Variants in WDFY4 observed in about 807,000 individuals in gnomAD.
WDFY4 encodes the protein WDFY family member 4.
Under a neutral mutation model 351.9 loss-of-function variants are expected in WDFY4, and 169 were observed. The observed-to-expected ratio is 0.48, with a 90% CI of 0.42 to 0.55. The LOEUF (loss-of-function observed/expected upper bound fraction) is 0.55, where lower values mean the gene tolerates loss of function less well. Ranked by LOEUF, WDFY4 falls within the 20% of genes least tolerant of loss-of-function variation. WDFY4 has a pLI of 0.00. For missense variants in WDFY4, 3,803 were observed against 3,935.6 expected, an observed-to-expected ratio of 0.97 and a Z score of 0.90; for synonymous variants, 1,622 against 1,574.6, an observed-to-expected ratio of 1.03 and a Z score of -0.71.
chr10:48,914,342 C>A, intron 47 of WDFY4: 3 of 650,966 alleles, frequency 4.6e-6, no homozygotes, highest in Admixed American at 3.0e-5. Context: ...AAGAGGATTG[C>A]GGAGAGAAGT....
rs140491881 is a variant in WDFY4, at chr10:48,734,380, C to T, written c.1687+345C>T. Among the ~76,000 whole-genome samples the T allele has an allele frequency of 6.4e-3, 979 of 152,026 alleles. 10 individuals are homozygous for T. Among genetic ancestry groups the T allele is most frequent in the African/African-American group, 0.019 (793 of 41,470 alleles). On this transcript the variant is annotated intron_variant, in intron 10 of 61. Coordinates refer to ENST00000325239, the MANE Select transcript of WDFY4 (RefSeq NM_001394531.1). ...TTTTTTAGATCCAAAGAGTAACATA[C>T]GGGCAAAGAAATCTAGCCATTTTAA...
chr10:48,760,533 G>A (rs543340529), intron 13 of WDFY4, 93 bp downstream of exon 13: 152 of 1,233,030 alleles, frequency 1.2e-4, no homozygotes, highest in East Asian at 4.9e-4. Context: ...CCTTTTGTCC[G>A]TGTCTTCAGT....
chr10:48,813,427 A>G (rs918643618), intron 30 of WDFY4, among the ~76,000 whole-genome samples: 3 of 152,206 alleles, frequency 2.0e-5, no homozygotes, highest in African/African-American at 4.8e-5. Context: ...GATGTTTTAC[A>G]TATTTTATTT....
At chr10:48,982,481 G>A (rs562623435) in intron 61 of WDFY4, 28 bp from the exon 62 acceptor site, 49 of 1,484,872 alleles carry the variant, frequency 3.3e-5, no homozygotes, top group East Asian at 2.5e-4. Flanking sequence ...TCCCTCTAAC[G>A]TTCTTGTCTT....
rs572369659 is a variant in WDFY4 at position 48,860,848 on chromosome 10, A to C, written c.6664-6417A>C. Among the ~76,000 whole-genome samples the C allele has an allele frequency of 6.6e-5, 10 of 152,204 alleles. No individual in the cohort carries two copies. The South Asian group carries it at 2.1e-3, about 32-fold the overall frequency. On this transcript the variant is annotated intron_variant, in intron 39 of 61. Transcript: ENST00000325239. ...GATTTCTTGTTATCCTTTTGTTACT[A>C]ATTTCTAGTTTGATTCAATTATGTA...
rs2064650536 is a variant in WDFY4 at position 48,735,995 on chromosome 10, G to C, written c.1803G>C (p.Glu601Asp). ...LEQLSAINAE[E>D]YMSIIVGALC... is the part of the protein sequence containing the mutation. ...AGCTCTCAGCCATCAACGCCGAGGAGTACATGAGCATCATTGTGGGTGCTC... is the reference window on the plus strand; with the variant it reads ...AGCTCTCAGCCATCAACGCCGAGGACTACATGAGCATCATTGTGGGTGCTC... Residue 601 changes from glutamate (E) to aspartate (D), a missense_variant, in exon 11 of 62, where the codon GAG becomes GAC. Glu to Asp is a conservative substitution (Grantham distance 45). Transcript: ENST00000325239. 2.6e-6 allele frequency: 4 copies of C among 1,551,816 alleles called. No individual in the cohort carries two copies. Among genetic ancestry groups the C allele is most frequent in the Non-Finnish European group, 3.5e-6 (4 of 1,147,070 alleles).
intron 13 of WDFY4, among the ~76,000 whole-genome samples, chr10:48,764,556 G>C (rs1453090801): frequency 3.3e-5 from 5 of 152,218 alleles, no homozygotes; most frequent in Admixed American, 3.3e-4. Flanking sequence ...GACCAGTATT[G>C]GAAGGACTTT....
At chr10:48,714,546 G>A (rs940923544) in intron 2 of WDFY4, among the ~76,000 whole-genome samples, 13 of 152,294 alleles carry the variant, frequency 8.5e-5, no homozygotes, top group African/African-American at 2.4e-4. Flanking sequence ...CTTTCCCATC[G>A]TATGGTCTCA....
At chr10:48,939,027 C>T (rs543880164) in intron 47 of WDFY4, among the ~76,000 whole-genome samples, 1 of 152,316 alleles carries the variant, frequency 6.6e-6, no homozygotes, top group East Asian at 1.9e-4. Flanking sequence ...CCACAGGCCC[C>T]AGTCTTGTCT....
chr10:48,825,923 G>A (rs1168774958), intron 35 of WDFY4, among the ~76,000 whole-genome samples: 9 of 152,118 alleles, frequency 5.9e-5, no homozygotes, highest in Admixed American at 5.2e-4. Flanking sequence ...TTGCTCTGAT[G>A]ATAGTTTATT....
intron 39 of WDFY4, among the ~76,000 whole-genome samples, chr10:48,844,876 G>A (rs2068723525): frequency 6.6e-6 from 1 of 152,174 alleles, no homozygotes. Context: ...GGGAATGCAT[G>A]AGATAATTCT....
chr10:48,862,826 T>C (rs373680492), intron 39 of WDFY4, among the ~76,000 whole-genome samples: 15 of 152,312 alleles, frequency 9.8e-5, no homozygotes, highest in East Asian at 9.6e-4. Context: ...TTTTATAACA[T>C]TTTATAACCT....
At chr10:48,849,396 C>T (rs2068883237) in intron 39 of WDFY4, among the ~76,000 whole-genome samples, 1 of 152,224 alleles carries the variant, frequency 6.6e-6, no homozygotes, top group African/African-American at 2.4e-5. Flanking sequence ...GTACATCAAT[C>T]AGTCTTTCTT....
intron 47 of WDFY4, chr10:48,913,842 T>C (rs917109482): frequency 1.2e-6 from 2 of 1,614,100 alleles, no homozygotes; most frequent in South Asian, 1.1e-5. Flanking sequence ...CAGCCGGTTG[T>C]TGCTGACGTT....
rs1471170925 is a variant in WDFY4, at chr10:48,969,230, G to A, written c.8751G>A (p.Gly2917=). ...WGFDDFSCCL[G]SYGSDKVLMT... ...TTGATGACTTCAGCTGCTGCTTGGG[G>A]AGCTACGGCTCCGACAAGGTGAGGG... Residue 2917 remains glycine (G), a synonymous_variant, in exon 56 of 62, where the codon GGG becomes GGA. Coordinates refer to ENST00000325239, the MANE Select transcript of WDFY4 (RefSeq NM_001394531.1). 14 of 1,551,448 alleles carry A rather than the reference G, an allele frequency of 9.0e-6. No homozygotes were observed. Among genetic ancestry groups the A allele is most frequent in the Non-Finnish European group, 1.1e-5 (13 of 1,146,924 alleles).
intron 24 of WDFY4, among the ~76,000 whole-genome samples, chr10:48,798,827 A>G (rs1045977521): frequency 6.6e-6 from 1 of 152,234 alleles, no homozygotes; most frequent in African/African-American, 2.4e-5. Flanking sequence ...TAGGCATAAG[A>G]GCCCTAAATA....
Position 48,974,527 on chromosome 10 carries a change from A to C in WDFY4, c.8929-335A>C, listed in dbSNP as rs796406434. Among the ~76,000 whole-genome samples, 80 of 23,154 alleles carry C rather than the reference A, an allele frequency of 3.5e-3. 1 individual carries two copies. Among genetic ancestry groups the C allele is most frequent in the African/African-American group, 5.4e-3 (74 of 13,766 alleles). 15.2% of individuals were successfully genotyped at this position (23,154 alleles called of 152,430 possible). ...CAAAAAAAAAAAAAAAAAAAAAAAA[A>C]AACAACTCATGACATGAACTGCTCC... On this transcript the variant is annotated intron_variant, in intron 57 of 61. Coordinates refer to ENST00000325239, the MANE Select transcript of WDFY4 (RefSeq NM_001394531.1).
At chr10:48,908,299 C>T (rs1022869844) in intron 47 of WDFY4, among the ~76,000 whole-genome samples, 3 of 152,220 alleles carry the variant, frequency 2.0e-5, no homozygotes, top group Non-Finnish European at 4.4e-5. Flanking sequence ...TGCTGATGAG[C>T]AACCCACTGG....
intron 39 of WDFY4, among the ~76,000 whole-genome samples, chr10:48,834,325 T>C (rs1488251717): frequency 1.3e-5 from 2 of 152,118 alleles, no homozygotes. Context: ...AGAGTGAAGA[T>C]AGGATCCCAT....
Sources: allele counts gnomAD v4.1 joint callset (sites outside exome capture counted in the v4.1 genomes callset), GRCh38; gene constraint gnomAD v4.1.1; transcripts MANE v1.5; gene names NCBI Gene and HGNC (gene_info 2026-07-23, HGNC 2026-07-21).